Variants in TRIO observed in about 807,000 individuals in gnomAD.
TRIO encodes triple functional domain protein.
In TRIO, 58 loss-of-function variants were observed where a neutral mutation model predicts 351.9. The ratio of observed to expected loss-of-function variants is 0.16; its 90% CI spans 0.13 to 0.21. The LOEUF (loss-of-function observed/expected upper bound fraction) is 0.21. Among genes scored for constraint, TRIO ranks in the 10% least tolerant of loss-of-function variants. TRIO has a pLI of 1.00. For missense variants in TRIO, 3,201 were observed against 4,027.8 expected, an observed-to-expected ratio of 0.79 and a Z score of 5.56; for synonymous variants, 1,758 against 1,595.7, an observed-to-expected ratio of 1.10 and a Z score of -2.42.
At chr5:14,220,963 C>T (rs551491121) in intron 1 of TRIO, among the ~76,000 whole-genome samples, 1 of 152,364 alleles carries the variant, frequency 6.6e-6, no homozygotes, top group African/African-American at 2.4e-5. Context: ...AGGACTTTCA[C>T]AGCTAGAGAG....
chr5:14,463,030 A>T, intron 36 of TRIO, 105 bp downstream of exon 36: 1 of 1,383,118 alleles, frequency 7.2e-7, no homozygotes, highest in Non-Finnish European at 9.5e-7. Flanking sequence ...GGAGGCCCCA[A>T]GATGTGGAAA....
intron 9 of TRIO, among the ~76,000 whole-genome samples, chr5:14,320,936 C>G (rs1287435165): frequency 1.3e-5 from 2 of 152,196 alleles, no homozygotes; most frequent in Admixed American, 6.5e-5. Flanking sequence ...GTGGATGAAA[C>G]TTGCGACCTC....
At chr5:14,409,694 C>T (rs57536485) in intron 33 of TRIO, among the ~76,000 whole-genome samples, 1 of 152,034 alleles carries the variant, frequency 6.6e-6, no homozygotes, top group East Asian at 1.9e-4. Context: ...ATTAGTCGAG[C>T]GTGGTGGTGG....
In TRIO at chr5:14,406,563, G is replaced by T; in HGVS notation, c.4860-10G>T. On this transcript the variant is annotated splice_polypyrimidine_tract_variant and intron_variant, in intron 32 of 56. Transcript: ENST00000344204. ...AGCATCAGGAACTAAAAGTTTCTTT[G>T]CACCGCCAGGGATGGAGAGGATCTG... is the stretch of plus-strand genomic sequence containing the variant. 1 of 1,613,800 alleles carries T rather than the reference G, an allele frequency of 6.2e-7. No homozygotes were observed. Among genetic ancestry groups the T allele is most frequent in the Non-Finnish European group, 8.5e-7 (1 of 1,179,808 alleles).
chr5:14,143,695 GGCGGGCGCGGCC>G lies in TRIO; in HGVS notation c.-22_-11del, dbSNP rs1054567039. Reference sequence around the variant, plus strand: ...GCGGCGCTAGGGGCGCGGGGCCCGAGGCGGGCGCGGCCGCGGGCGCCGCCGCAGCCATGAGCG... The same window carrying G: ...GCGGCGCTAGGGGCGCGGGGCCCGAGGCGGGCGCCGCCGCAGCCATGAGCG... On this transcript the variant is annotated 5_prime_UTR_variant, in exon 1 of 57. Transcript: ENST00000344204. 14 of 972,414 alleles carry G rather than the reference GGCGGGCGCGGCC, an allele frequency of 1.4e-5. No homozygotes were observed. The East Asian group carries it at 4.7e-4, about 32-fold the overall frequency. The allele number at this position is 972,414 out of a possible 1,614,324, so 60.2% of individuals were successfully genotyped here. A position where few individuals can be genotyped will look rare whatever the true frequency, so the allele number is the denominator to read the frequency against.
chr5:14,457,971 G>T (rs1272854105), intron 34 of TRIO, among the ~76,000 whole-genome samples: 3 of 151,846 alleles, frequency 2.0e-5, no homozygotes, highest in Non-Finnish European at 4.4e-5. Context: ...GTTGTGATGT[G>T]TAAGTGTTCT....
chr5:14,419,795 G>A lies in TRIO; in HGVS notation c.4977G>A (p.Glu1659=), dbSNP rs1749961070. 6.2e-7 allele frequency: 1 copy of A among 1,614,202 alleles called. No individual in the cohort carries two copies. The highest frequency in any genetic ancestry group is 1.3e-5 in the African/African-American group (1 of 75,050). Residue 1659 remains glutamate, a synonymous_variant, in exon 34 of 57, where the codon GAG becomes GAA. Coordinates refer to ENST00000344204, the MANE Select transcript of TRIO (RefSeq NM_007118.4). ...LDSDKLSGGC[E]LTVVIHDFTA... ...CCCCCCAGCTCTCTGGTGGCTGTGAGCTGACAGTGGTGATCCATGACTTCA... is the reference window on the plus strand; with the variant it reads ...CCCCCCAGCTCTCTGGTGGCTGTGAACTGACAGTGGTGATCCATGACTTCA...
rs1431429256 is a variant in TRIO, at chr5:14,368,818, C to T, written c.2985C>T (p.His995=). ...ACTGCGCCGAGAAGGTGGCGTCTCA[C>T]TGGCAACAGCTCATGCTCAAGATGG... ...IRDCAEKVAS[H]WQQLMLKMED... The change falls in exon 17 of 57, where the codon CAC becomes CAT. Residue 995 remains histidine (H), a synonymous_variant. Transcript: ENST00000344204. The T allele has an allele frequency of 1.9e-6, 3 of 1,614,066 alleles. No homozygotes were observed. In the African/African-American group the frequency reaches 4.0e-5, roughly 22 times the overall value.
chr5:14,399,317 C>G (rs1199164013), intron 30 of TRIO: 1 of 473,758 alleles, frequency 2.1e-6, no homozygotes, highest in Non-Finnish European at 3.7e-6. Context: ...CATATAACTG[C>G]AGGATAAGAA....
At chr5:14,344,208 C>G (rs550913272) in intron 11 of TRIO, among the ~76,000 whole-genome samples, 1 of 152,238 alleles carries the variant, frequency 6.6e-6, no homozygotes, top group East Asian at 1.9e-4. Flanking sequence ...TCATCAGCCC[C>G]TGTGTGACTG....
intron 20 of TRIO, among the ~76,000 whole-genome samples, chr5:14,380,071 G>T (rs189007717): frequency 6.6e-6 from 1 of 152,054 alleles, no homozygotes; most frequent in East Asian, 1.9e-4. Context: ...TGTCTTTTCT[G>T]TGCGCTGTCT....
At chr5:14,233,059 A>C (rs759400680) in intron 1 of TRIO, among the ~76,000 whole-genome samples, 2 of 152,116 alleles carry the variant, frequency 1.3e-5, no homozygotes, top group Non-Finnish European at 2.9e-5. Context: ...GTGCATCAAC[A>C]TGAAGGATCA....
intron 34 of TRIO, among the ~76,000 whole-genome samples, chr5:14,440,331 G>A (rs948215034): frequency 9.2e-5 from 14 of 152,210 alleles, no homozygotes; most frequent in African/African-American, 3.4e-4. Flanking sequence ...AGTGTGGAGG[G>A]CACCGAGGAA....
chr5:14,475,476 C>T (rs1755003028), intron 40 of TRIO, among the ~76,000 whole-genome samples: 1 of 152,244 alleles, frequency 6.6e-6, no homozygotes, highest in South Asian at 2.1e-4. Context: ...GGAGGAACTA[C>T]CGTGTCACGT....
At chr5:14,218,042 A>T (rs73748687) in intron 1 of TRIO, among the ~76,000 whole-genome samples, 1 of 152,232 alleles carries the variant, frequency 6.6e-6, no homozygotes, top group African/African-American at 2.4e-5. Context: ...GATTTTTAGT[A>T]TAACTATAGT....
chr5:14,202,294 A>ATTTTTTTTTTTTTTT (rs60827656), intron 1 of TRIO, among the ~76,000 whole-genome samples: 2 of 33,564 alleles, frequency 6.0e-5, no homozygotes, highest in African/African-American at 2.0e-4. Context: ...TATTTTTGTG[A>ATTTTTTTTTTTTTTT]TTTTTTTTTT....
chr5:14,337,410 G>T (rs191012677), intron 11 of TRIO, among the ~76,000 whole-genome samples: 8 of 152,232 alleles, frequency 5.3e-5, no homozygotes, highest in Admixed American at 5.2e-4. Context: ...AATTGAGTAG[G>T]GATGTCAACT....
intron 1 of TRIO, among the ~76,000 whole-genome samples, chr5:14,179,584 G>T (rs1003183942): frequency 3.3e-5 from 5 of 151,218 alleles, no homozygotes; most frequent in African/African-American, 1.2e-4. Flanking sequence ...AGCCAGGCAT[G>T]CATCACGAAG....
rs1293279691 is a variant in TRIO at position 14,390,834 on chromosome 5, A to G, written c.4129-67A>G. On this transcript the variant is annotated intron_variant, in intron 26 of 56. Coordinates refer to ENST00000344204, the MANE Select transcript of TRIO (RefSeq NM_007118.4). The stretch of plus-strand genomic sequence containing the variant: ...CCGTTATCCATACTGCTTCTTTTCT[A>G]TATGAAAGTTTATCATGCGTTGACT... The G allele has an allele frequency of 2.6e-5, 35 of 1,354,440 alleles. No homozygotes were observed. In the South Asian group the frequency reaches 2.8e-4, roughly 11 times the overall value. 83.9% of individuals were successfully genotyped at this position (1,354,440 alleles called of 1,614,324 possible).
Sources: gnomAD v4.1 joint callset for allele counts (sites outside exome capture counted in the v4.1 genomes callset) on GRCh38, gnomAD v4.1.1 for gene constraint, MANE v1.5 for transcripts, NCBI Gene and HGNC (gene_info 2026-07-23, HGNC 2026-07-21) for gene names.